Variants in EPB41L4A observed in about 807,000 individuals in gnomAD.
EPB41L4A encodes the protein erythrocyte membrane protein band 4.1 like 4A.
In EPB41L4A, 100 loss-of-function variants were observed where a neutral mutation model predicts 108.6. The ratio of observed to expected loss-of-function variants is 0.92; its 90% CI spans 0.78 to 1.09. The LOEUF (loss-of-function observed/expected upper bound fraction) is 1.09, where lower values mean the gene tolerates loss of function less well. Among genes scored for constraint, EPB41L4A ranks in the 50% least tolerant of loss-of-function variants. The probability of loss-of-function intolerance (pLI) is 0.00; values close to 1 mark genes in which losing one functional copy is unlikely to be tolerated. For synonymous variants in EPB41L4A, 319 were observed against 289.0 expected, an observed-to-expected ratio of 1.10 and a Z score of -1.05; for missense variants, 1,030 against 842.7, an observed-to-expected ratio of 1.22 and a Z score of -2.75.
chr5:112,191,102 T>C (rs886422230), intron 17 of EPB41L4A, among the ~76,000 whole-genome samples: 1 of 151,870 alleles, frequency 6.6e-6, no homozygotes, highest in African/African-American at 2.4e-5. Flanking sequence ...GAGTGAAAAA[T>C]TATCATCTCA....
chr5:112,348,698 C>T (rs1757845160), intron 1 of EPB41L4A, among the ~76,000 whole-genome samples: 1 of 152,186 alleles, frequency 6.6e-6, no homozygotes, highest in Non-Finnish European at 1.5e-5. Flanking sequence ...CGAACCTCAA[C>T]AGTAAACTCC....
intron 15 of EPB41L4A, among the ~76,000 whole-genome samples, chr5:112,201,852 T>A (rs1159207617): frequency 2.0e-5 from 3 of 152,222 alleles, no homozygotes; most frequent in Non-Finnish European, 4.4e-5. Flanking sequence ...ATGTACAGGC[T>A]GGGATTCCAA....
At chr5:112,199,314 C>T (rs1762109598) in intron 15 of EPB41L4A, among the ~76,000 whole-genome samples, 1 of 152,106 alleles carries the variant, frequency 6.6e-6, no homozygotes, top group Non-Finnish European at 1.5e-5. Context: ...GTAATATAAG[C>T]CTGGATTCTA....
At chr5:112,209,128 A>G (rs571423363) in intron 13 of EPB41L4A, among the ~76,000 whole-genome samples, 116 of 152,372 alleles carry the variant, frequency 7.6e-4, no homozygotes, top group African/African-American at 2.8e-3. Context: ...CCAAAAAAAT[A>G]TCAAGTAGAT....
At chr5:112,179,235 C>T (rs1324138135) in intron 18 of EPB41L4A, among the ~76,000 whole-genome samples, 2 of 151,954 alleles carry the variant, frequency 1.3e-5, no homozygotes, top group Non-Finnish European at 2.9e-5. Context: ...ACATTCCAGG[C>T]AGAGATTGTT....
Position 112,314,749 on chromosome 5 carries a change from C to A in EPB41L4A, c.100-7259G>T, listed in dbSNP as rs368976592. Among the ~76,000 whole-genome samples the A allele has an allele frequency of 1.2e-4, 18 of 151,602 alleles. No homozygotes were observed. In the South Asian group the frequency reaches 3.3e-3, roughly 28 times the overall value. ...CGGAGGTTGCAGTGAGCCGAGACTG[C>A]GATACTGCACTCCAGCCTGGGTGAC... On this transcript the variant is annotated intron_variant, in intron 1 of 22. Coordinates refer to ENST00000261486, the MANE Select transcript of EPB41L4A (RefSeq NM_022140.5).
chr5:112,367,901 T>G (rs1298585215), intron 1 of EPB41L4A, among the ~76,000 whole-genome samples: 1 of 152,186 alleles, frequency 6.6e-6, no homozygotes. Flanking sequence ...CACCAAATAC[T>G]ATAACCCAAA....
At chr5:112,264,826 C>A (rs904634376) in intron 6 of EPB41L4A, 70 bp downstream of exon 6, 1 of 1,483,968 alleles carries the variant, frequency 6.7e-7, no homozygotes, top group Admixed American at 2.1e-5. Flanking sequence ...ATTCTAGAAA[C>A]TTTTCTTGTG....
At chr5:112,184,200 A>T in intron 17 of EPB41L4A, 65 bp from the exon 18 acceptor site, 1 of 1,572,406 alleles carries the variant, frequency 6.4e-7, no homozygotes, top group Non-Finnish European at 8.6e-7. Flanking sequence ...GGTTCATCCT[A>T]AACTTGCTTT....
At position 112,240,800 on chromosome 5, in the gene EPB41L4A, G is replaced by C. The variant is rs1749730803; in HGVS notation, c.806C>G (p.Thr269Ser). 6.3e-7 allele frequency: 1 copy of C among 1,588,576 alleles called. No homozygotes were observed. Among genetic ancestry groups the C allele is most frequent in the African/African-American group, 1.4e-5 (1 of 73,578 alleles). ...ACTCCGAGCTTCAAAAAAGAATGAG[G>C]TTTCGTTACACTAAGAGAGAAAGAG... ...LRVLGKDCNE[T>S]SFFFEARSKT... Residue 269 changes from threonine to serine, a missense_variant, in exon 10 of 23, where the codon ACC (threonine) becomes AGC (serine). Thr to Ser is a moderately conservative substitution (Grantham distance 58). Coordinates refer to ENST00000261486, the MANE Select transcript of EPB41L4A (RefSeq NM_022140.5).
intron 2 of EPB41L4A, among the ~76,000 whole-genome samples, chr5:112,302,432 T>C (rs1465035592): frequency 6.6e-6 from 1 of 152,192 alleles, no homozygotes; most frequent in East Asian, 1.9e-4. Flanking sequence ...GTTTTGAATA[T>C]GTTACCTTTG....
chr5:112,152,923 T>C (rs1041179089), intron 12 of EPB41L4A, among the ~76,000 whole-genome samples: 16 of 152,098 alleles, frequency 1.1e-4, no homozygotes, highest in Non-Finnish European at 7.4e-5. Context: ...TAACATAATT[T>C]CAAATATATA....
chr5:112,298,381 G>T (rs10056378), intron 2 of EPB41L4A, among the ~76,000 whole-genome samples: 9,369 of 152,096 alleles, frequency 0.062, 324 homozygotes, highest in Non-Finnish European at 0.069. Flanking sequence ...TTTGCTGAGG[G>T]TTTTAATCAT....
At chr5:112,265,039 T>A (rs1177182238) in intron 5 of EPB41L4A, 23 bp from the exon 6 acceptor site, 7 of 1,536,236 alleles carry the variant, frequency 4.6e-6, no homozygotes, top group Middle Eastern at 1.7e-4. Context: ...GATAACATAG[T>A]TTTTTCCATT....
intron 1 of EPB41L4A, among the ~76,000 whole-genome samples, chr5:112,314,559 T>G (rs566842015): frequency 8.4e-6 from 1 of 119,496 alleles, no homozygotes; most frequent in Non-Finnish European, 1.7e-5. Flanking sequence ...TAGCCAAGCA[T>G]GATGGCAGGC....
chr5:112,311,407 A>G (rs1755040703), intron 1 of EPB41L4A, among the ~76,000 whole-genome samples: 2 of 152,186 alleles, frequency 1.3e-5, no homozygotes, highest in Admixed American at 6.5e-5. Flanking sequence ...AATTCTATCC[A>G]ATGTAACTAT....
intron 12 of EPB41L4A, among the ~76,000 whole-genome samples, chr5:112,149,579 A>T (rs968677790): frequency 5.9e-5 from 9 of 152,220 alleles, no homozygotes; most frequent in Admixed American, 5.2e-4. Context: ...ATTAGTGATA[A>T]GCCCTTCTAA....
chr5:112,243,391 C>T (rs1749962625), intron 9 of EPB41L4A, among the ~76,000 whole-genome samples: 1 of 151,938 alleles, frequency 6.6e-6, no homozygotes, highest in Admixed American at 6.6e-5. Context: ...CAGTTAGCAT[C>T]ATTTGTATAG....
intron 13 of EPB41L4A, among the ~76,000 whole-genome samples, chr5:112,207,449 T>A (rs1762526583): frequency 6.6e-6 from 1 of 152,158 alleles, no homozygotes; most frequent in Admixed American, 6.6e-5. Context: ...AAAGAGCTTC[T>A]GCACAACAAA....
Sources: allele counts gnomAD v4.1 joint callset (sites outside exome capture counted in the v4.1 genomes callset), GRCh38; gene constraint gnomAD v4.1.1; transcripts MANE v1.5; gene names NCBI Gene and HGNC (gene_info 2026-07-23, HGNC 2026-07-21).